CDKAL1: variants seen among roughly 807,000 people sequenced by gnomAD.
CDKAL1 encodes threonylcarbamoyladenosine tRNA methylthiotransferase.
In CDKAL1, 32 loss-of-function variants were observed where a neutral mutation model predicts 68.2. That is an observed-to-expected ratio of 0.47 (90% confidence interval 0.35 to 0.63). The LOEUF (loss-of-function observed/expected upper bound fraction) is 0.63. Ranked by LOEUF, CDKAL1 falls within the 30% of genes least tolerant of loss-of-function variation. The probability of loss-of-function intolerance (pLI) is 0.00; values close to 1 mark genes in which losing one functional copy is unlikely to be tolerated. For missense variants in CDKAL1, 606 were observed against 696.7 expected (o/e 0.87, Z 1.47); for synonymous variants, 234 against 244.3 (o/e 0.96, Z 0.39).
At chr6:21,090,957 A>G (rs1178819420) in intron 12 of CDKAL1, among the ~76,000 whole-genome samples, 3 of 151,954 alleles carry the variant, frequency 2.0e-5, no homozygotes, top group African/African-American at 7.2e-5. Context: ...GGCAAGCACC[A>G]CAATGCCTAG....
intron 3 of CDKAL1, among the ~76,000 whole-genome samples, chr6:20,547,036 T>C (rs182721602): frequency 5.3e-5 from 8 of 152,298 alleles, no homozygotes; most frequent in Non-Finnish European, 8.8e-5. Flanking sequence ...GATTTCGGAA[T>C]ATTTGCATTA....
At chr6:20,544,971 G>T (rs1010238068) in intron 2 of CDKAL1, among the ~76,000 whole-genome samples, 1 of 142,740 alleles carries the variant, frequency 7.0e-6, no homozygotes, top group Non-Finnish European at 1.5e-5. Context: ...AGTTTTGTGT[G>T]TGTGTGTGTG....
chr6:21,125,265 T>C (rs1774940226), intron 13 of CDKAL1, among the ~76,000 whole-genome samples: 1 of 152,188 alleles, frequency 6.6e-6, no homozygotes, highest in Non-Finnish European at 1.5e-5. Flanking sequence ...CCTCCTGCAT[T>C]CATTCTCCTT....
chr6:21,198,830 T>C (rs1436883661), intron 14 of CDKAL1, among the ~76,000 whole-genome samples: 1 of 152,204 alleles, frequency 6.6e-6, no homozygotes, highest in African/African-American at 2.4e-5. Context: ...TCAGGGTTTC[T>C]ACTCCTCCAG....
chr6:21,230,600 G>A (rs751129720), intron 15 of CDKAL1, among the ~76,000 whole-genome samples: 10 of 152,190 alleles, frequency 6.6e-5, no homozygotes, highest in Middle Eastern at 3.4e-3. Flanking sequence ...CTATAAACAC[G>A]GCCCGTCTTT....
intron 9 of CDKAL1, among the ~76,000 whole-genome samples, chr6:20,929,869 G>T (rs554976617): frequency 1.3e-5 from 2 of 152,224 alleles, no homozygotes; most frequent in East Asian, 3.9e-4. Context: ...AGGAAAAAAG[G>T]CTCAGAGACT....
At chr6:20,919,833 C>A (rs1762870200) in intron 9 of CDKAL1, among the ~76,000 whole-genome samples, 1 of 152,176 alleles carries the variant, frequency 6.6e-6, no homozygotes, top group South Asian at 2.1e-4. Flanking sequence ...CTGCTTTGCA[C>A]CTAGGGCACA....
At chr6:20,673,052 C>T (rs1244177047) in intron 5 of CDKAL1, among the ~76,000 whole-genome samples, 1 of 152,258 alleles carries the variant, frequency 6.6e-6, no homozygotes, top group Non-Finnish European at 1.5e-5. Flanking sequence ...GCTGGGATTA[C>T]AGGCCTGAGC....
At chr6:20,663,514 T>C (rs1469308594) in intron 5 of CDKAL1, among the ~76,000 whole-genome samples, 2 of 152,110 alleles carry the variant, frequency 1.3e-5, no homozygotes, top group Non-Finnish European at 2.9e-5. Flanking sequence ...TAAGAACTTT[T>C]CCTCTTTTTG....
At chr6:21,054,249 TTGTTGAAAACTA>T (rs1770706061) in intron 11 of CDKAL1, among the ~76,000 whole-genome samples, 1 of 152,202 alleles carries the variant, frequency 6.6e-6, no homozygotes, top group South Asian at 2.1e-4. Context: ...CTTGGTAATT[TTGTTGAAAACTA>T]ATTACCCATA....
At chr6:20,745,555 T>G (rs1490016300) in intron 6 of CDKAL1, among the ~76,000 whole-genome samples, 4 of 152,196 alleles carry the variant, frequency 2.6e-5, no homozygotes, top group Non-Finnish European at 5.9e-5. Flanking sequence ...TGGTTTCACT[T>G]TTTTTGGCAT....
At chr6:20,621,304 G>C (rs1767180356) in intron 4 of CDKAL1, among the ~76,000 whole-genome samples, 1 of 152,142 alleles carries the variant, frequency 6.6e-6, no homozygotes, top group African/African-American at 2.4e-5. Flanking sequence ...TTGGGAGGAA[G>C]ACCATGCAAG....
At chr6:20,771,901 T>C (rs1275664462) in intron 7 of CDKAL1, among the ~76,000 whole-genome samples, 1 of 152,206 alleles carries the variant, frequency 6.6e-6, no homozygotes, top group Non-Finnish European at 1.5e-5. Context: ...CCGTACAGCC[T>C]GCAGAACCGT....
At chr6:21,012,672 A>G (rs900935302) in intron 11 of CDKAL1, among the ~76,000 whole-genome samples, 1 of 152,176 alleles carries the variant, frequency 6.6e-6, no homozygotes, top group Non-Finnish European at 1.5e-5. Flanking sequence ...GCACTGAAGG[A>G]CGGTCTTTAG....
intron 5 of CDKAL1, among the ~76,000 whole-genome samples, chr6:20,727,568 G>A (rs1772713277): frequency 6.6e-6 from 1 of 152,098 alleles, no homozygotes; most frequent in Non-Finnish European, 1.5e-5. Context: ...TTTTTAAAAT[G>A]CAAACTAGAG....
intron 4 of CDKAL1, among the ~76,000 whole-genome samples, chr6:20,631,289 A>T (rs1767663689): frequency 6.6e-6 from 1 of 152,128 alleles, no homozygotes; most frequent in Non-Finnish European, 1.5e-5. Flanking sequence ...TGGCCTTAAC[A>T]TGAGTTCTTT....
intron 8 of CDKAL1, among the ~76,000 whole-genome samples, chr6:20,794,499 T>A (rs1252007017): frequency 2.0e-5 from 3 of 152,120 alleles, no homozygotes; most frequent in African/African-American, 4.8e-5. Flanking sequence ...AGGGGTAGAC[T>A]TTGTAAAATA....
intron 9 of CDKAL1, among the ~76,000 whole-genome samples, chr6:20,946,901 C>CA (rs1439673323): frequency 2.0e-5 from 3 of 152,124 alleles, no homozygotes; most frequent in Non-Finnish European, 4.4e-5. Flanking sequence ...CTGACCTCAT[C>CA]ATCCATACCT....
At chr6:20,655,447 T>C (rs1768981419) in intron 5 of CDKAL1, among the ~76,000 whole-genome samples, 1 of 152,204 alleles carries the variant, frequency 6.6e-6, no homozygotes, top group African/African-American at 2.4e-5. Flanking sequence ...ACCCCTGGGC[T>C]GTAGACGTGT....
Sources: gnomAD v4.1 joint callset for allele counts (sites outside exome capture counted in the v4.1 genomes callset) on GRCh38, gnomAD v4.1.1 for gene constraint, MANE v1.5 for transcripts, NCBI Gene and HGNC (gene_info 2026-07-23, HGNC 2026-07-21) for gene names.